RAB33B: variants seen among roughly 807,000 people sequenced by gnomAD.
The protein encoded by RAB33B is RAB33B, member RAS oncogene family, also known as ras-related protein Rab-33B.
In RAB33B, 6 loss-of-function variants were observed where a neutral mutation model predicts 15.0. The ratio of observed to expected loss-of-function variants is 0.40; its 90% CI spans 0.22 to 0.79. The LOEUF is 0.79. Ranked by LOEUF, RAB33B falls within the 30% of genes least tolerant of loss-of-function variation. The probability of loss-of-function intolerance (pLI) is 0.37; values close to 1 mark genes in which losing one functional copy is unlikely to be tolerated. For missense variants in RAB33B, 257 were observed against 296.4 expected (o/e 0.87, Z 0.98); for synonymous variants, 117 against 108.3 (o/e 1.08, Z -0.50).
the RAB33B span, among the ~76,000 whole-genome samples, chr4:139,439,432 C>T: frequency 9.2e-5 from 14 of 152,252 alleles, no homozygotes; most frequent in African/African-American, 2.9e-4. Flanking sequence ...CATTTGTATG[C>T]GAAGAGTCAT....
the RAB33B span, among the ~76,000 whole-genome samples, chr4:139,440,577 T>C: frequency 6.6e-6 from 1 of 151,974 alleles, no homozygotes; most frequent in Admixed American, 6.6e-5. Context: ...TGGTAGGAGA[T>C]GGTTAGCTGC....
the RAB33B span, among the ~76,000 whole-genome samples, chr4:139,439,061 G>T: frequency 6.6e-6 from 1 of 152,074 alleles, no homozygotes; most frequent in South Asian, 2.1e-4. Flanking sequence ...TGCCCAGGCT[G>T]GGGGGCAGTG....
the RAB33B span, among the ~76,000 whole-genome samples, chr4:139,439,589 GTCA>G: frequency 1.4e-3 from 211 of 152,200 alleles, 1 homozygote; most frequent in African/African-American, 4.9e-3. Flanking sequence ...GAAGCTGTTG[GTCA>G]TCATTTCTTC....
At chr4:139,457,475 G>A (rs1234867014) in intron 1 of RAB33B, among the ~76,000 whole-genome samples, 2 of 152,164 alleles carry the variant, frequency 1.3e-5, no homozygotes, top group Non-Finnish European at 2.9e-5. Context: ...CCCATTAGAG[G>A]TCAGCAGGTC....
At chr4:139,445,170 A>G in the RAB33B span, among the ~76,000 whole-genome samples, 1 of 152,234 alleles carries the variant, frequency 6.6e-6, no homozygotes, top group Non-Finnish European at 1.5e-5. Flanking sequence ...GTATGTAGCC[A>G]TTGACTTGGC....
chr4:139,453,984 C>G (rs1398552169), upstream of RAB33B: 2 of 446,368 alleles, frequency 4.5e-6, no homozygotes, highest in African/African-American at 4.2e-5. Flanking sequence ...CGCGGGCAGG[C>G]GGCTCCGTGC....
the RAB33B span, among the ~76,000 whole-genome samples, chr4:139,440,735 C>G: frequency 1.3e-5 from 2 of 152,100 alleles, no homozygotes; most frequent in Non-Finnish European, 2.9e-5. Context: ...GCCTCAGCCT[C>G]CAGAGTAGCT....
chr4:139,455,929 T>C (rs1230586924), intron 1 of RAB33B, among the ~76,000 whole-genome samples: 1 of 152,170 alleles, frequency 6.6e-6, no homozygotes, highest in Non-Finnish European at 1.5e-5. Context: ...CCCAAGACTG[T>C]CCAGGTTTTA....
At chr4:139,455,371 C>T (rs919991178) in intron 1 of RAB33B, among the ~76,000 whole-genome samples, 28 of 152,108 alleles carry the variant, frequency 1.8e-4, no homozygotes, top group African/African-American at 5.6e-4. Flanking sequence ...TTTAAATCAG[C>T]GATCGTCTTT....
At position 139,472,694 on chromosome 4, in the gene RAB33B, A is replaced by G. The variant is rs189262252; in HGVS notation, c.258A>G (p.Leu86=). The change falls in exon 2 of 2, where the codon CTA becomes CTG. Residue 86 remains leucine, a synonymous_variant. Coordinates refer to ENST00000305626, the MANE Select transcript of RAB33B (RefSeq NM_031296.3). Reference sequence around the variant, plus strand: ...TTTCTTCCCATTTTTAGATCCAGCTATGGGACACAGCAGGACAAGAACGAT... The same window carrying G: ...TTTCTTCCCATTTTTAGATCCAGCTGTGGGACACAGCAGGACAAGAACGAT... The part of the protein sequence containing the change: ...EIDGERIKIQ[L]WDTAGQERFR... The G allele has an allele frequency of 7.4e-4, 1,181 of 1,594,336 alleles. 13 individuals are homozygous for G. In the South Asian group the frequency reaches 9.6e-3, roughly 13 times the overall value.
chr4:139,469,304 CT>C (rs966559423), intron 1 of RAB33B, among the ~76,000 whole-genome samples: 26 of 152,124 alleles, frequency 1.7e-4, no homozygotes, highest in African/African-American at 6.3e-4. Context: ...TGTCTTCAAG[CT>C]TGCTTATTCT....
Position 139,454,255 on chromosome 4 carries a change from A to C in RAB33B, c.60A>C (p.Ser20=). 2 of 1,614,114 alleles carry C rather than the reference A, an allele frequency of 1.2e-6. No homozygotes were observed. Among genetic ancestry groups the C allele is most frequent in the Non-Finnish European group, 1.7e-6 (2 of 1,179,980 alleles). The part of the protein sequence containing the change: ...EASFSSSGAV[S]GASGFLPPAR... ...GCTTTTCGTCCAGCGGGGCAGTGTC[A>C]GGGGCCTCAGGGTTTTTGCCTCCTG... Residue 20 remains serine (S), a synonymous_variant, in exon 1 of 2, where the codon TCA becomes TCC. Transcript: ENST00000305626.
At chr4:139,460,268 A>G (rs1302435385) in intron 1 of RAB33B, among the ~76,000 whole-genome samples, 1 of 152,242 alleles carries the variant, frequency 6.6e-6, no homozygotes, top group African/African-American at 2.4e-5. Flanking sequence ...CTATATTCAA[A>G]TGGAAATACT....
At chr4:139,468,497 A>G (rs1275397544) in intron 1 of RAB33B, among the ~76,000 whole-genome samples, 1 of 152,202 alleles carries the variant, frequency 6.6e-6, no homozygotes, top group Non-Finnish European at 1.5e-5. Flanking sequence ...TTCTATTTAT[A>G]TCTTATTGTA....
the RAB33B span, among the ~76,000 whole-genome samples, chr4:139,445,203 G>A: frequency 6.6e-6 from 1 of 152,206 alleles, no homozygotes; most frequent in Non-Finnish European, 1.5e-5. Flanking sequence ...CTCCATTCCT[G>A]TCCATAAGGC....
chr4:139,453,795 A>T (rs1474236138), upstream of RAB33B: 1 of 162,698 alleles, frequency 6.1e-6, no homozygotes, highest in Non-Finnish European at 1.3e-5. Flanking sequence ...CCGCCCCCGG[A>T]GTGATTGCGC....
chr4:139,463,722 A>G (rs190405213), intron 1 of RAB33B, among the ~76,000 whole-genome samples: 2 of 152,118 alleles, frequency 1.3e-5, no homozygotes, highest in Non-Finnish European at 2.9e-5. Context: ...GTCTCCTTCA[A>G]AGTTTTCTCT....
chr4:139,455,612 T>C (rs1750054430), intron 1 of RAB33B, among the ~76,000 whole-genome samples: 1 of 152,246 alleles, frequency 6.6e-6, no homozygotes, highest in Non-Finnish European at 1.5e-5. Flanking sequence ...TAGTATTTCA[T>C]GTCCCATATG....
At chr4:139,447,368 G>A in the RAB33B span, among the ~76,000 whole-genome samples, 4 of 152,130 alleles carry the variant, frequency 2.6e-5, no homozygotes, top group African/African-American at 9.7e-5. Context: ...CACAGGTCCA[G>A]GAATCAAGGG....
Sources: allele counts gnomAD v4.1 joint callset (sites outside exome capture counted in the v4.1 genomes callset), GRCh38; gene constraint gnomAD v4.1.1; transcripts MANE v1.5; gene names NCBI Gene and HGNC (gene_info 2026-07-23, HGNC 2026-07-21).